SPOCK1: variants seen among roughly 807,000 people sequenced by gnomAD.
The protein encoded by SPOCK1 is testican-1.
SPOCK1 carries 23 observed loss-of-function variants against 55.3 expected under a neutral mutation model. That is an observed-to-expected ratio of 0.42 (90% CI 0.30 to 0.59). The LOEUF (loss-of-function observed/expected upper bound fraction) is 0.59. SPOCK1 is among the 20% of genes least tolerant of loss of function. The probability of loss-of-function intolerance (pLI) is 0.22; values close to 1 mark genes in which losing one functional copy is unlikely to be tolerated. For missense variants in SPOCK1, 499 were observed against 552.5 expected, an observed-to-expected ratio of 0.90 and a Z score of 0.97; for synonymous variants, 226 against 221.0, an observed-to-expected ratio of 1.02 and a Z score of -0.20.
At chr5:137,110,944 T>G (rs1753456209) in intron 5 of SPOCK1, among the ~76,000 whole-genome samples, 1 of 152,160 alleles carries the variant, frequency 6.6e-6, no homozygotes, top group Non-Finnish European at 1.5e-5. Context: ...TATGTACCTT[T>G]CCACTTTCCT....
chr5:137,397,117 C>A (rs540419529), intron 2 of SPOCK1, among the ~76,000 whole-genome samples: 2 of 152,242 alleles, frequency 1.3e-5, no homozygotes, highest in East Asian at 3.9e-4. Flanking sequence ...AAGCTCAACA[C>A]CCTGCTCCAT....
chr5:137,460,446 A>G (rs1352157248), intron 2 of SPOCK1, among the ~76,000 whole-genome samples: 2 of 152,168 alleles, frequency 1.3e-5, no homozygotes, highest in African/African-American at 2.4e-5. Context: ...CAGAAGAGCC[A>G]AGGAGTAAAG....
rs995959247 is a variant in SPOCK1 at position 137,099,497 on chromosome 5, C to T, written c.474+12938G>A. 2.6e-5 allele frequency among the ~76,000 whole-genome samples: 4 copies of T among 152,066 alleles called. No homozygotes were observed. The East Asian group carries it at 7.7e-4, about 29-fold the overall frequency. On this transcript the variant is annotated intron_variant, in intron 5 of 10. Coordinates refer to ENST00000394945, the MANE Select transcript of SPOCK1 (RefSeq NM_004598.4). ...GTTTCACCAGGGATCTTTTCTCTCT[C>T]TAACCAGAGTCCAAGCTGAAACAGG...
At chr5:137,154,993 C>A (rs1754387864) in intron 3 of SPOCK1, among the ~76,000 whole-genome samples, 2 of 152,192 alleles carry the variant, frequency 1.3e-5, no homozygotes, top group African/African-American at 2.4e-5. Flanking sequence ...CACTGTGTGA[C>A]CTTGGGCAAG....
At chr5:137,421,841 T>C (rs200047480) in intron 2 of SPOCK1, among the ~76,000 whole-genome samples, 1 of 152,238 alleles carries the variant, frequency 6.6e-6, no homozygotes, top group African/African-American at 2.4e-5. Context: ...CCTGTCGTTA[T>C]GATGTTAGCT....
At chr5:137,306,285 G>A (rs1757699656) in intron 2 of SPOCK1, among the ~76,000 whole-genome samples, 2 of 152,172 alleles carry the variant, frequency 1.3e-5, no homozygotes, top group Non-Finnish European at 2.9e-5. Context: ...ATGGGGGTTT[G>A]GTGCTCGTTG....
intron 3 of SPOCK1, among the ~76,000 whole-genome samples, chr5:137,178,527 G>A (rs1416969208): frequency 6.6e-6 from 1 of 152,232 alleles, no homozygotes; most frequent in Non-Finnish European, 1.5e-5. Flanking sequence ...GAGAGGCCAA[G>A]TGACTTGACA....
chr5:137,005,599 AC>A (rs1159621168), intron 6 of SPOCK1, among the ~76,000 whole-genome samples: 5 of 152,258 alleles, frequency 3.3e-5, no homozygotes, highest in Non-Finnish European at 5.9e-5. Flanking sequence ...AGCATTTAGA[AC>A]CCAGGGGAAA....
chr5:136,993,854 A>G (rs931290619), intron 6 of SPOCK1, among the ~76,000 whole-genome samples: 2 of 152,162 alleles, frequency 1.3e-5, no homozygotes, highest in African/African-American at 2.4e-5. Flanking sequence ...CCTTCAACCA[A>G]CGCAGGACCT....
intron 2 of SPOCK1, among the ~76,000 whole-genome samples, chr5:137,415,837 A>T (rs1009678537): frequency 2.0e-5 from 3 of 152,204 alleles, no homozygotes; most frequent in Non-Finnish European, 4.4e-5. Context: ...TGTCACTGTT[A>T]TCTTGGCAAC....
chr5:137,119,704 CAA>C (rs960186808), intron 4 of SPOCK1, among the ~76,000 whole-genome samples: 1 of 152,194 alleles, frequency 6.6e-6, no homozygotes, highest in African/African-American at 2.4e-5. Context: ...CGCAATGGTG[CAA>C]AAGACTTGCT....
intron 2 of SPOCK1, among the ~76,000 whole-genome samples, chr5:137,363,224 A>G (rs1023591442): frequency 6.6e-6 from 1 of 152,166 alleles, no homozygotes; most frequent in Non-Finnish European, 1.5e-5. Flanking sequence ...CAATACAAGT[A>G]TGTCCCCAAC....
chr5:137,114,954 T>C (rs141813460), intron 4 of SPOCK1, among the ~76,000 whole-genome samples: 73 of 152,308 alleles, frequency 4.8e-4, no homozygotes, highest in African/African-American at 1.6e-3. Context: ...TAAGGGAGCT[T>C]AGCCAAAGTC....
At chr5:137,290,007 A>T (rs1757338383) in intron 2 of SPOCK1, among the ~76,000 whole-genome samples, 1 of 152,248 alleles carries the variant, frequency 6.6e-6, no homozygotes, top group East Asian at 1.9e-4. Flanking sequence ...GGAGGGCAGC[A>T]TTAAAGTGCT....
At chr5:136,983,596 A>G (rs1750776502) in intron 9 of SPOCK1, among the ~76,000 whole-genome samples, 1 of 143,476 alleles carries the variant, frequency 7.0e-6, no homozygotes, top group African/African-American at 2.5e-5. Flanking sequence ...GTGAACATGT[A>G]GAGAGCTGGC....
intron 3 of SPOCK1, among the ~76,000 whole-genome samples, chr5:137,245,640 A>G (rs1044914829): frequency 1.3e-5 from 2 of 152,216 alleles, no homozygotes; most frequent in Non-Finnish European, 2.9e-5. Flanking sequence ...TGCACAGAGC[A>G]TTCTGGAATT....
chr5:137,393,509 T>C (rs1751771694), intron 2 of SPOCK1, among the ~76,000 whole-genome samples: 1 of 152,246 alleles, frequency 6.6e-6, no homozygotes, highest in Non-Finnish European at 1.5e-5. Context: ...ATGCTTATTG[T>C]TGTGTGTTTC....
intron 2 of SPOCK1, among the ~76,000 whole-genome samples, chr5:137,495,815 T>A (rs994322977): frequency 1.3e-5 from 2 of 152,164 alleles, no homozygotes; most frequent in African/African-American, 2.4e-5. Flanking sequence ...CTGGTCTGAG[T>A]TCCACAACAC....
chr5:137,301,420 C>A (rs183699049), intron 2 of SPOCK1, among the ~76,000 whole-genome samples: 4 of 152,272 alleles, frequency 2.6e-5, no homozygotes, highest in African/African-American at 9.6e-5. Flanking sequence ...GCAGGTAGTA[C>A]CATATTCTGC....
Sources: allele counts gnomAD v4.1 joint callset (sites outside exome capture counted in the v4.1 genomes callset), GRCh38; gene constraint gnomAD v4.1.1; transcripts MANE v1.5; gene names NCBI Gene and HGNC (gene_info 2026-07-23, HGNC 2026-07-21).